The following SOX6 variants were observed in gnomAD, a reference collection of about 807,000 sequenced individuals.
The protein encoded by SOX6 is SRY-box transcription factor 6.
Under a neutral mutation model 97.8 loss-of-function variants are expected in SOX6, and 11 were observed. That is an observed-to-expected ratio of 0.11 (90% CI 0.07 to 0.19). The LOEUF is 0.19. Ranked by LOEUF, SOX6 falls within the 10% of genes least tolerant of loss-of-function variation. The probability of loss-of-function intolerance (pLI) is 1.00; values close to 1 mark genes in which losing one functional copy is unlikely to be tolerated. For missense variants in SOX6, 810 were observed against 1,039.5 expected, an observed-to-expected ratio of 0.78 and a Z score of 3.04; for synonymous variants, 360 against 371.4, an observed-to-expected ratio of 0.97 and a Z score of 0.35.
intron 4 of SOX6, among the ~76,000 whole-genome samples, chr11:16,486,714 G>C (rs1860439815): frequency 6.6e-6 from 1 of 151,846 alleles, no homozygotes; most frequent in African/African-American, 2.4e-5. Flanking sequence ...TACAAAGATT[G>C]GCCGAGCATG....
chr11:16,590,942 T>C (rs1848143182), intron 4 of SOX6, among the ~76,000 whole-genome samples: 1 of 152,030 alleles, frequency 6.6e-6, no homozygotes, highest in Non-Finnish European at 1.5e-5. Flanking sequence ...TAAAGTATAA[T>C]TGGACTGTTT....
chr11:15,966,644 C>T lies in SOX6; in HGVS notation c.*6165G>A, dbSNP rs1019595584. On this transcript the variant is annotated 3_prime_UTR_variant, in exon 16 of 16. Coordinates refer to ENST00000683767, the MANE Select transcript of SOX6 (RefSeq NM_001367873.1). ...TATCACCCAAAGATGGCATGTTGAA[C>T]ATATCAGGAAAGCACCTTGTGCAAA... 1 of 151,542 alleles carries T rather than the reference C, an allele frequency of 6.6e-6. No homozygotes were observed. The highest frequency in any genetic ancestry group is 1.5e-5 in the Non-Finnish European group (1 of 67,948). 9.4% of individuals were successfully genotyped at this position (151,542 alleles called of 1,614,324 possible). A position where few individuals can be genotyped will look rare whatever the true frequency, so the allele number is the denominator to read the frequency against.
At chr11:16,173,762 C>T (rs1182909055) in intron 6 of SOX6, among the ~76,000 whole-genome samples, 1 of 150,888 alleles carries the variant, frequency 6.6e-6, no homozygotes, top group African/African-American at 2.4e-5. Context: ...TACTCAAAGA[C>T]ATTTTTTCTG....
chr11:16,530,278 C>G (rs1004258335), intron 4 of SOX6, among the ~76,000 whole-genome samples: 1 of 151,900 alleles, frequency 6.6e-6, no homozygotes, highest in South Asian at 2.1e-4. Flanking sequence ...ATGGTAGATA[C>G]TCAGTAAATG....
At chr11:16,461,391 T>G (rs1006636775) in intron 1 of SOX6, among the ~76,000 whole-genome samples, 1 of 152,142 alleles carries the variant, frequency 6.6e-6, no homozygotes, top group East Asian at 1.9e-4. Context: ...CTTGGCATGC[T>G]CCTGGACTAT....
At chr11:16,004,141 C>T (rs937949029) in intron 13 of SOX6, among the ~76,000 whole-genome samples, 10 of 151,840 alleles carry the variant, frequency 6.6e-5, no homozygotes, top group East Asian at 3.9e-4. Context: ...AGATAAAACA[C>T]GCTCATTGAA....
At chr11:16,659,832 T>C (rs35044766) in intron 3 of SOX6, among the ~76,000 whole-genome samples, 1,769 of 152,310 alleles carry the variant, frequency 0.012, 14 homozygotes, top group Non-Finnish European at 0.02. Flanking sequence ...AGATTATCTA[T>C]TGCTCCTTGT....
intron 6 of SOX6, 81 bp downstream of exon 6, chr11:16,183,805 A>C: frequency 2.4e-5 from 29 of 1,184,454 alleles, no homozygotes; most frequent in Non-Finnish European, 3.5e-5. Context: ...AGACAGGGGT[A>C]CATCTGCAGA....
intron 6 of SOX6, among the ~76,000 whole-genome samples, chr11:16,129,231 T>C (rs1425967278): frequency 6.6e-6 from 1 of 152,076 alleles, no homozygotes; most frequent in Admixed American, 6.6e-5. Flanking sequence ...TCCTCAACTT[T>C]AGCCTAAATA....
At chr11:16,228,506 G>GGA (rs1359743782) in intron 4 of SOX6, among the ~76,000 whole-genome samples, 5 of 151,960 alleles carry the variant, frequency 3.3e-5, no homozygotes, top group Non-Finnish European at 5.9e-5. Context: ...AACAGGGGTA[G>GGA]GAGAGAGAGA....
chr11:16,484,374 T>C (rs1860395765), intron 4 of SOX6: 2 of 802,134 alleles, frequency 2.5e-6, no homozygotes, highest in African/African-American at 1.7e-5. Flanking sequence ...TCCAGCTTCA[T>C]GTCACTAAGC....
chr11:16,234,519 C>T (rs1419483252), intron 4 of SOX6, 63 bp downstream of exon 4: 1 of 956,470 alleles, frequency 1.0e-6, no homozygotes. Context: ...TCAGCAAATA[C>T]ATTGTTATAC....
intron 3 of SOX6, chr11:16,317,952 A>G: frequency 2.2e-6 from 1 of 451,432 alleles, no homozygotes; most frequent in South Asian, 1.6e-5. Flanking sequence ...CAAAGAAGTC[A>G]CTCATATACT....
intron 13 of SOX6, among the ~76,000 whole-genome samples, chr11:16,006,465 G>A (rs1450133506): frequency 2.0e-5 from 3 of 152,162 alleles, no homozygotes; most frequent in South Asian, 2.1e-4. Flanking sequence ...GCTTAGTGGA[G>A]AAGACAAAGA....
intron 9 of SOX6, among the ~76,000 whole-genome samples, chr11:16,094,908 G>T (rs1848762075): frequency 6.6e-6 from 1 of 151,812 alleles, no homozygotes; most frequent in African/African-American, 2.4e-5. Context: ...CTTTGGTCTT[G>T]TCTCTTCCTT....
chr11:16,059,357 G>C (rs1410946256), intron 9 of SOX6, among the ~76,000 whole-genome samples: 1 of 151,870 alleles, frequency 6.6e-6, no homozygotes, highest in Non-Finnish European at 1.5e-5. Context: ...CCACTACCTT[G>C]ATGGTCACAT....
chr11:16,687,184 C>T (rs1847976117), intron 3 of SOX6, among the ~76,000 whole-genome samples: 1 of 152,184 alleles, frequency 6.6e-6, no homozygotes, highest in Admixed American at 6.5e-5. Context: ...GTTTGCTTGG[C>T]TCACAGTTCT....
intron 2 of SOX6, among the ~76,000 whole-genome samples, chr11:16,718,313 A>T (rs545189169): frequency 9.9e-5 from 15 of 152,258 alleles, no homozygotes; most frequent in African/African-American, 3.6e-4. Context: ...AAGATCCCAT[A>T]CACAATGGAC....
chr11:16,174,544 C>T (rs145414219), intron 6 of SOX6, among the ~76,000 whole-genome samples: 18 of 151,698 alleles, frequency 1.2e-4, no homozygotes, highest in Admixed American at 4.6e-4. Flanking sequence ...CAGTACATCC[C>T]CTCAGCATTT....
Sources: allele counts gnomAD v4.1 joint callset (sites outside exome capture counted in the v4.1 genomes callset), GRCh38; gene constraint gnomAD v4.1.1; transcripts MANE v1.5; gene names NCBI Gene and HGNC (gene_info 2026-07-23, HGNC 2026-07-21).